Variants in CHM observed in about 807,000 individuals in gnomAD.
CHM encodes the protein CHM Rab escort protein, also known as rab proteins geranylgeranyltransferase component A 1.
In CHM, 10 loss-of-function variants were observed where a neutral mutation model predicts 49.0. The ratio of observed to expected loss-of-function variants is 0.20; its 90% CI spans 0.13 to 0.35. The LOEUF is 0.35. CHM is among the 10% of genes least tolerant of loss of function. The pLI is 1.00. For missense variants in CHM, 455 were observed against 478.4 expected, an observed-to-expected ratio of 0.95 and a Z score of 0.46; for synonymous variants, 184 against 167.5, an observed-to-expected ratio of 1.10 and a Z score of -0.76.
chrX:85,925,952 A>G (rs981042206), intron 8 of CHM, among the ~76,000 whole-genome samples: 1 of 110,866 alleles, frequency 9.0e-6, no homozygotes, highest in Admixed American at 9.6e-5. Flanking sequence ...ACGGCCACTC[A>G]TGTCATTTTC....
chrX:86,008,229 G>A (rs1347844674), intron 2 of CHM, among the ~76,000 whole-genome samples: 13 of 111,370 alleles, frequency 1.2e-4, no homozygotes, highest in African/African-American at 3.6e-4. Flanking sequence ...GACACAGGGC[G>A]AGGAATATCA....
intron 2 of CHM, among the ~76,000 whole-genome samples, chrX:85,985,495 G>A (rs1347340690): frequency 9.0e-6 from 1 of 111,332 alleles, no homozygotes; most frequent in Non-Finnish European, 1.9e-5. Flanking sequence ...TTCAGGCTTC[G>A]GAGAGTCCAA....
At chrX:85,963,491 A>G (rs1026020849) in intron 5 of CHM, among the ~76,000 whole-genome samples, 174 bp downstream of exon 5, 1 of 112,498 alleles carries the variant, frequency 8.9e-6, no homozygotes, top group African/African-American at 3.2e-5. Flanking sequence ...TTTTCATGTG[A>G]GCACTTTAAA....
At chrX:85,912,843 G>A (rs1417159526) in intron 8 of CHM, among the ~76,000 whole-genome samples, 12 of 106,911 alleles carry the variant, frequency 1.1e-4, no homozygotes, top group African/African-American at 3.4e-4. Flanking sequence ...GTGAAACCCC[G>A]TCTCTACTAA....
At chrX:85,999,517 C>T (rs1428602395) in intron 2 of CHM, among the ~76,000 whole-genome samples, 1 of 111,282 alleles carries the variant, frequency 9.0e-6, no homozygotes, top group Non-Finnish European at 1.9e-5. Flanking sequence ...AAAAAAGGAT[C>T]AGTTGAGGTC....
chrX:86,029,249 A>C (rs1933953058), intron 1 of CHM, among the ~76,000 whole-genome samples: 1 of 112,299 alleles, frequency 8.9e-6, no homozygotes, highest in South Asian at 3.7e-4. Context: ...AAATAGCTAA[A>C]TGCAGTTTTT....
intron 5 of CHM, 54 bp from the exon 6 acceptor site, chrX:85,959,031 A>G (rs1438636556): frequency 1.7e-6 from 2 of 1,175,509 alleles, no homozygotes; most frequent in East Asian, 6.0e-5. Flanking sequence ...GAAAAATTGG[A>G]AAACAATAAA....
At chrX:85,942,888 C>T (rs182259054) in intron 8 of CHM, among the ~76,000 whole-genome samples, 2 of 102,932 alleles carry the variant, frequency 1.9e-5, no homozygotes, top group South Asian at 5.0e-4. Context: ...TTAGGTATAT[C>T]TCTTAATGCT....
intron 10 of CHM, 24 bp from the exon 11 acceptor site, chrX:85,900,733 C>G (rs1926214787): frequency 2.7e-6 from 3 of 1,092,458 alleles, no homozygotes; most frequent in African/African-American, 1.8e-5. Flanking sequence ...AACAGTGAAG[C>G]AGTAATTCTG....
intron 4 of CHM, among the ~76,000 whole-genome samples, chrX:85,978,149 T>C (rs756391696): frequency 1.1e-4 from 12 of 112,053 alleles, no homozygotes. Context: ...AATCCAATTG[T>C]TTTTAAACAG....
intron 2 of CHM, among the ~76,000 whole-genome samples, chrX:85,986,709 G>A (rs769259207): frequency 1.3e-4 from 15 of 111,977 alleles, no homozygotes; most frequent in Non-Finnish European, 2.6e-4. Context: ...ATACCCACAG[G>A]CAGATATGGG....
intron 13 of CHM, among the ~76,000 whole-genome samples, chrX:85,873,947 G>A: frequency 9.0e-6 from 1 of 111,417 alleles, no homozygotes; most frequent in East Asian, 2.8e-4. Flanking sequence ...ATGCCATTTT[G>A]AGCACATGTT....
chrX:85,994,080 A>C (rs1569242088), intron 2 of CHM, among the ~76,000 whole-genome samples: 1 of 111,897 alleles, frequency 8.9e-6, no homozygotes. Context: ...TAGTTAACTA[A>C]GGGAATTATT....
Position 85,958,970 on chromosome X carries a change from T to A in CHM, c.710A>T (p.Tyr237Phe). 1 of 1,210,602 alleles carries A rather than the reference T, an allele frequency of 8.3e-7. No homozygotes were observed. Among genetic ancestry groups the A allele is most frequent in the Non-Finnish European group, 1.1e-6 (1 of 894,771 alleles). The change falls in exon 6 of 15, where the codon TAT (tyrosine) becomes TTT (phenylalanine). Residue 237 changes from tyrosine (Y) to phenylalanine (F), a missense_variant. By Grantham distance (22) the Tyr-to-Phe change is conservative. Coordinates refer to ENST00000357749, the MANE Select transcript of CHM (RefSeq NM_000390.4). ...AAGATCAATTAGTAATCCTCGAGAA[T>A]ACAGCAGCTGTACAAAGAAAATATT... ...FNIDLVSKLL[Y>F]SRGLLIDLLI...
chrX:86,045,222 T>C (rs1439309283), intron 1 of CHM, among the ~76,000 whole-genome samples: 1 of 112,280 alleles, frequency 8.9e-6, no homozygotes, highest in African/African-American at 3.2e-5. Context: ...GCTTTTTCTA[T>C]GATTTGCTCA....
chrX:85,974,598 A>G (rs867153863), intron 4 of CHM, among the ~76,000 whole-genome samples: 4 of 111,267 alleles, frequency 3.6e-5, no homozygotes, highest in Middle Eastern at 4.8e-3. Flanking sequence ...AGTACAATCA[A>G]CTGATTTTTG....
chrX:85,991,978 G>A (rs1356207322), intron 2 of CHM, among the ~76,000 whole-genome samples: 1 of 111,681 alleles, frequency 9.0e-6, no homozygotes, highest in Admixed American at 9.6e-5. Flanking sequence ...GCTGAATATT[G>A]TCTAACTCTC....
At chrX:86,033,259 G>A (rs1452649698) in intron 1 of CHM, among the ~76,000 whole-genome samples, 3 of 111,324 alleles carry the variant, frequency 2.7e-5, no homozygotes, top group Admixed American at 9.6e-5. Context: ...CCAGCATATC[G>A]AACAATAAAT....
chrX:85,950,898 C>T (rs914759447), intron 8 of CHM, among the ~76,000 whole-genome samples: 1 of 111,640 alleles, frequency 9.0e-6, no homozygotes, highest in Non-Finnish European at 1.9e-5. Context: ...ATCTTTGTAA[C>T]TTGTCATAAT....
Sources: gnomAD v4.1 joint callset for allele counts (sites outside exome capture counted in the v4.1 genomes callset) on GRCh38, gnomAD v4.1.1 for gene constraint, MANE v1.5 for transcripts, NCBI Gene and HGNC (gene_info 2026-07-23, HGNC 2026-07-21) for gene names.